The following IL1RAPL1 variants were observed in gnomAD, a reference collection of about 807,000 sequenced individuals.
IL1RAPL1 encodes the protein interleukin-1 receptor accessory protein-like 1.
In IL1RAPL1, 3 loss-of-function variants were observed where a neutral mutation model predicts 48.4. The ratio of observed to expected loss-of-function variants is 0.06; its 90% CI spans 0.03 to 0.16. The LOEUF is 0.16. Ranked by LOEUF, IL1RAPL1 falls within the 10% of genes least tolerant of loss-of-function variation. The probability of loss-of-function intolerance (pLI) is 1.00; values close to 1 mark genes in which losing one functional copy is unlikely to be tolerated. For synonymous variants in IL1RAPL1, 185 were observed against 187.7 expected, an observed-to-expected ratio of 0.99 and a Z score of 0.12; for missense variants, 349 against 530.6, an observed-to-expected ratio of 0.66 and a Z score of 3.36.
intron 6 of IL1RAPL1, among the ~76,000 whole-genome samples, chrX:29,700,897 A>G (rs780203828): frequency 3.1e-4 from 35 of 112,090 alleles, no homozygotes; most frequent in Admixed American, 1.3e-3. Context: ...TTTTGGTAAG[A>G]CGGAAAATTC....
At chrX:29,599,259 ATCTT>A (rs1007689082) in intron 5 of IL1RAPL1, among the ~76,000 whole-genome samples, 4 of 111,992 alleles carry the variant, frequency 3.6e-5, no homozygotes, top group Non-Finnish European at 7.5e-5. Flanking sequence ...GGAAAACACT[ATCTT>A]TCCTTCATTT....
chrX:29,500,589 A>C lies in IL1RAPL1; in HGVS notation c.703+101281A>C, dbSNP rs1002388900. Among the ~76,000 whole-genome samples, 3 of 112,251 alleles carry C rather than the reference A, an allele frequency of 2.7e-5. No homozygotes were observed. The Admixed American group carries it at 2.8e-4, about 11-fold the overall frequency. The stretch of plus-strand genomic sequence containing the variant: ...ACCTCCATGTTCATCCATGCTGCTG[A>C]AAATGATTTAATTATTTTTTATGGC... On this transcript the variant is annotated intron_variant, in intron 5 of 10. Coordinates refer to ENST00000378993, the MANE Select transcript of IL1RAPL1 (RefSeq NM_014271.4).
At chrX:29,077,332 C>T (rs977017628) in intron 2 of IL1RAPL1, among the ~76,000 whole-genome samples, 1 of 111,355 alleles carries the variant, frequency 9.0e-6, no homozygotes, top group African/African-American at 3.3e-5. Context: ...AGGCCAGGCA[C>T]GGTGGCTCAC....
rs747458852 is a variant in IL1RAPL1 at position 29,283,061 on chromosome X, G to T, written c.206G>T (p.Ser69Ile). 4 of 1,210,024 alleles carry T rather than the reference G, an allele frequency of 3.3e-6. No homozygotes were observed. Among genetic ancestry groups the T allele is most frequent in the Non-Finnish European group, 4.5e-6 (4 of 895,303 alleles). The change falls in exon 3 of 11, where the codon AGT (serine) becomes ATT (isoleucine). Residue 69 changes from serine to isoleucine, a missense_variant. Around this residue, in one of 3 missense-constraint regions of IL1RAPL1, gnomAD observed 238 missense variants for 337.8 expected, o/e 0.70. Coordinates refer to ENST00000378993, the MANE Select transcript of IL1RAPL1 (RefSeq NM_014271.4). ...AGAACAAATTACTCCCTTGCCCAAA[G>T]TGCTGGACTCAGTTTGATGTGGTAC... ...YIRTNYSLAQ[S>I]AGLSLMWYKS...
chrX:29,043,158 G>C (rs1380970569), intron 2 of IL1RAPL1, among the ~76,000 whole-genome samples: 2 of 111,585 alleles, frequency 1.8e-5, no homozygotes, highest in Non-Finnish European at 3.8e-5. Context: ...CCTTGACTAA[G>C]ACACCAACAT....
chrX:29,475,476 C>T (rs200295427), intron 5 of IL1RAPL1, among the ~76,000 whole-genome samples: 3 of 111,999 alleles, frequency 2.7e-5, no homozygotes, highest in East Asian at 2.8e-4. Context: ...TTTACCATAG[C>T]GTTCTCCCTG....
intron 6 of IL1RAPL1, among the ~76,000 whole-genome samples, chrX:29,696,848 A>G (rs1409341298): frequency 2.7e-5 from 3 of 110,415 alleles, no homozygotes; most frequent in Non-Finnish European, 5.7e-5. Context: ...GATATTAGCT[A>G]TTTACTAACT....
At chrX:29,588,605 G>A (rs759242434) in intron 5 of IL1RAPL1, among the ~76,000 whole-genome samples, 143 of 111,878 alleles carry the variant, frequency 1.3e-3, no homozygotes, top group South Asian at 4.5e-3. Flanking sequence ...CACATTTAAG[G>A]AATGATCTCT....
In IL1RAPL1 at chrX:28,885,655, T is replaced by C. The variant is rs188927987; in HGVS notation, c.82+96230T>C. On this transcript the variant is annotated intron_variant, in intron 2 of 10. Coordinates refer to ENST00000378993, the MANE Select transcript of IL1RAPL1 (RefSeq NM_014271.4). ...GTTGGATTTACCTAATTCATGGATT[T>C]TAATACACATGTTGTCTTTAGGTTA... Among the ~76,000 whole-genome samples, 102 of 111,814 alleles carry C rather than the reference T, an allele frequency of 9.1e-4. 1 individual carries two copies. The Admixed American group carries it at 9.3e-3, about 10-fold the overall frequency.
chrX:29,585,343 C>A (rs1419183018), intron 5 of IL1RAPL1, among the ~76,000 whole-genome samples: 2 of 112,129 alleles, frequency 1.8e-5, no homozygotes, highest in African/African-American at 6.5e-5. Context: ...CCTCAAGTTT[C>A]ATTCATGTTG....
intron 2 of IL1RAPL1, among the ~76,000 whole-genome samples, chrX:28,985,172 T>C (rs113244576): frequency 8.9e-6 from 1 of 111,844 alleles, no homozygotes; most frequent in African/African-American, 3.3e-5. Flanking sequence ...TCAACAAATA[T>C]TTGTTGAGCC....
intron 3 of IL1RAPL1, among the ~76,000 whole-genome samples, chrX:29,288,116 ATTTTATT>A (rs753369238): frequency 2.2e-3 from 242 of 111,646 alleles, no homozygotes; most frequent in African/African-American, 7.5e-3. Flanking sequence ...AGAAATGCTT[ATTTTATT>A]TTTTATTTTT....
chrX:29,642,309 A>T (rs954922750), intron 5 of IL1RAPL1, among the ~76,000 whole-genome samples: 2 of 112,048 alleles, frequency 1.8e-5, no homozygotes, highest in African/African-American at 6.5e-5. Flanking sequence ...ATTTAGTGAG[A>T]TTTCAGAAGT....
intron 2 of IL1RAPL1, among the ~76,000 whole-genome samples, chrX:28,979,131 A>G (rs192056641): frequency 4.7e-4 from 53 of 111,876 alleles, no homozygotes; most frequent in African/African-American, 1.4e-3. Context: ...CAAGATGGTG[A>G]GAGAATTGTT....
chrX:28,961,431 A>G (rs934973405), intron 2 of IL1RAPL1, among the ~76,000 whole-genome samples: 1 of 110,976 alleles, frequency 9.0e-6, no homozygotes, highest in Non-Finnish European at 1.9e-5. Flanking sequence ...TGCTGCATCT[A>G]TCAACCCATC....
At chrX:29,244,997 C>T (rs1420457779) in intron 2 of IL1RAPL1, among the ~76,000 whole-genome samples, 2 of 109,223 alleles carry the variant, frequency 1.8e-5, no homozygotes, top group African/African-American at 6.7e-5. Context: ...TATACTTCAC[C>T]TCCCACTTAT....
chrX:29,456,671 A>G (rs1934742629), intron 5 of IL1RAPL1, among the ~76,000 whole-genome samples: 1 of 111,670 alleles, frequency 9.0e-6, no homozygotes, highest in Non-Finnish European at 1.9e-5. Context: ...GGAAGACTCA[A>G]TGCTTCCAAA....
chrX:29,233,098 C>A (rs182518008), intron 2 of IL1RAPL1, among the ~76,000 whole-genome samples: 8 of 111,572 alleles, frequency 7.2e-5, no homozygotes, highest in Admixed American at 6.7e-4. Context: ...CGTGCCTGGC[C>A]GAAAGAAGCA....
chrX:29,496,874 G>T, intron 5 of IL1RAPL1, among the ~76,000 whole-genome samples: 1 of 111,913 alleles, frequency 8.9e-6, no homozygotes, highest in Non-Finnish European at 1.9e-5. Flanking sequence ...CAGTGAAACA[G>T]ACTGGACATA....
Sources: allele counts gnomAD v4.1 joint callset (sites outside exome capture counted in the v4.1 genomes callset), GRCh38; gene constraint gnomAD v4.1.1; regional missense constraint gnomAD v4.1.1; transcripts MANE v1.5; gene names NCBI Gene and HGNC (gene_info 2026-07-23, HGNC 2026-07-21).